The following GLIS3 variants were observed in gnomAD, a reference collection of about 807,000 sequenced individuals.
GLIS3 encodes GLIS family zinc finger 3.
Under a neutral mutation model 78.6 loss-of-function variants are expected in GLIS3, and 53 were observed. The observed-to-expected ratio is 0.67, with a 90% CI of 0.54 to 0.85. The LOEUF is 0.85. Among genes scored for constraint, GLIS3 ranks in the 40% least tolerant of loss-of-function variants. The probability of loss-of-function intolerance (pLI) is 0.00; values close to 1 mark genes in which losing one functional copy is unlikely to be tolerated. For synonymous variants in GLIS3, 684 were observed against 509.9 expected, an observed-to-expected ratio of 1.34 and a Z score of -4.60; for missense variants, 1,703 against 1,231.1, an observed-to-expected ratio of 1.38 and a Z score of -5.74.
intron 2 of GLIS3, among the ~76,000 whole-genome samples, chr9:4,232,384 A>T (rs1822339094): frequency 2.0e-4 from 1 of 5,114 alleles, no homozygotes; most frequent in African/African-American, 2.5e-4. Flanking sequence ...TTGTCTCTTA[A>T]AAAAAAAAAA....
At chr9:4,086,064 C>A (rs1433317579) in intron 4 of GLIS3, among the ~76,000 whole-genome samples, 2 of 152,316 alleles carry the variant, frequency 1.3e-5, no homozygotes, top group African/African-American at 2.4e-5. Context: ...TGTCCTTACA[C>A]GAGTTGTCCA....
intron 9 of GLIS3, among the ~76,000 whole-genome samples, chr9:3,850,296 G>T (rs1185406250): frequency 6.6e-6 from 1 of 152,212 alleles, no homozygotes; most frequent in African/African-American, 2.4e-5. Context: ...AAGGCTGGAT[G>T]TGCACCTCTG....
intron 2 of GLIS3, among the ~76,000 whole-genome samples, chr9:4,271,332 T>A (rs1453750612): frequency 1.3e-5 from 2 of 152,204 alleles, no homozygotes; most frequent in African/African-American, 4.8e-5. Flanking sequence ...CCAGTAGTTA[T>A]GTTTTGGGGG....
the GLIS3 span, among the ~76,000 whole-genome samples, chr9:4,401,737 G>A: frequency 6.6e-6 from 1 of 151,514 alleles, no homozygotes; most frequent in Non-Finnish European, 1.5e-5. Flanking sequence ...GACTACAGGT[G>A]CATGCTACCA....
the GLIS3 span, among the ~76,000 whole-genome samples, chr9:4,375,052 G>A: frequency 3.3e-5 from 5 of 152,186 alleles, no homozygotes; most frequent in Admixed American, 1.3e-4. Flanking sequence ...ATTATAAAAT[G>A]ATGCTTTGAT....
At chr9:3,883,554 A>G (rs1821876428) in intron 7 of GLIS3, among the ~76,000 whole-genome samples, 1 of 152,232 alleles carries the variant, frequency 6.6e-6, no homozygotes, top group South Asian at 2.1e-4. Flanking sequence ...AAACTCAACG[A>G]ATAGGGCACA....
intron 2 of GLIS3, among the ~76,000 whole-genome samples, chr9:4,335,028 C>G (rs1379394302): frequency 2.0e-5 from 3 of 151,160 alleles, no homozygotes; most frequent in Non-Finnish European, 4.4e-5. Flanking sequence ...CCTGCCTCAG[C>G]CTCCCGAGTA....
At chr9:4,297,864 G>A (rs751860640) in intron 1 of GLIS3, among the ~76,000 whole-genome samples, 8 of 152,146 alleles carry the variant, frequency 5.3e-5, no homozygotes, top group Non-Finnish European at 8.8e-5. Flanking sequence ...GACAAGGCAG[G>A]AGGAGGGCGG....
At chr9:4,447,563 C>G in the GLIS3 span, among the ~76,000 whole-genome samples, 1 of 152,152 alleles carries the variant, frequency 6.6e-6, no homozygotes, top group Admixed American at 6.5e-5. Flanking sequence ...AGCAGAATCT[C>G]AGTTAATGTT....
At chr9:4,049,271 C>T (rs963457160) in intron 4 of GLIS3, among the ~76,000 whole-genome samples, 1 of 152,162 alleles carries the variant, frequency 6.6e-6, no homozygotes, top group African/African-American at 2.4e-5. Flanking sequence ...GGTAAATAAC[C>T]TCTGCCTTGA....
the GLIS3 span, among the ~76,000 whole-genome samples, chr9:4,365,485 G>A: frequency 1.3e-5 from 2 of 152,062 alleles, no homozygotes; most frequent in African/African-American, 2.4e-5. Flanking sequence ...GAACCTGGGA[G>A]GTGGAGGTTG....
At chr9:4,000,400 G>C (rs910958756) in intron 4 of GLIS3, among the ~76,000 whole-genome samples, 1 of 152,102 alleles carries the variant, frequency 6.6e-6, no homozygotes, top group Non-Finnish European at 1.5e-5. Flanking sequence ...AGAGGAGGGA[G>C]AGGAAAGAGA....
At chr9:4,436,810 CA>C in the GLIS3 span, among the ~76,000 whole-genome samples, 1,503 of 53,488 alleles carry the variant, frequency 0.028, 2 homozygotes, top group African/African-American at 0.045. Flanking sequence ...GACTGCATCT[CA>C]AAAAAAAAAA....
chr9:4,117,662 G>C (rs1298840834), intron 4 of GLIS3, 106 bp downstream of exon 4: 13 of 1,251,994 alleles, frequency 1.0e-5, no homozygotes, highest in East Asian at 4.6e-5. Flanking sequence ...TGGATACCTA[G>C]ACCCCCACGC....
intron 4 of GLIS3, among the ~76,000 whole-genome samples, chr9:4,039,217 T>C (rs1034449294): frequency 1.3e-5 from 2 of 152,218 alleles, no homozygotes; most frequent in Non-Finnish European, 2.9e-5. Context: ...GAGAGGGTCC[T>C]ACATATTTAT....
chr9:4,130,922 G>T (rs1355029972), intron 2 of GLIS3, among the ~76,000 whole-genome samples: 1 of 152,210 alleles, frequency 6.6e-6, no homozygotes, highest in African/African-American at 2.4e-5. Context: ...GAAAACAGCT[G>T]CCAGGGCTGC....
intron 2 of GLIS3, among the ~76,000 whole-genome samples, chr9:4,225,963 C>A (rs968773162): frequency 6.6e-6 from 1 of 152,178 alleles, no homozygotes; most frequent in Non-Finnish European, 1.5e-5. Context: ...GCGCCACCTA[C>A]CTGAAACGTT....
the GLIS3 span, among the ~76,000 whole-genome samples, chr9:4,450,118 G>A: frequency 6.6e-6 from 1 of 152,136 alleles, no homozygotes. Context: ...AAGATGAATG[G>A]CTAACTAAAA....
At chr9:4,401,416 C>A in the GLIS3 span, among the ~76,000 whole-genome samples, 2 of 150,708 alleles carry the variant, frequency 1.3e-5, no homozygotes, top group African/African-American at 4.9e-5. Context: ...TAAGCCACCA[C>A]GCCCAGCTAA....
Sources: allele counts gnomAD v4.1 joint callset (sites outside exome capture counted in the v4.1 genomes callset), GRCh38; gene constraint gnomAD v4.1.1; transcripts MANE v1.5; gene names NCBI Gene and HGNC (gene_info 2026-07-23, HGNC 2026-07-21).